SMYD3: variants seen among roughly 807,000 people sequenced by gnomAD.
The protein encoded by SMYD3 is SET and MYND domain containing 3, also known as histone-lysine N-methyltransferase SMYD3.
SMYD3 carries 36 observed loss-of-function variants against 57.7 expected under a neutral mutation model. That is an observed-to-expected ratio of 0.62 (90% confidence interval 0.48 to 0.82). The LOEUF (loss-of-function observed/expected upper bound fraction) is 0.82, where lower values mean the gene tolerates loss of function less well. SMYD3 is among the 40% of genes least tolerant of loss of function. The probability of loss-of-function intolerance (pLI) is 0.00; values close to 1 mark genes in which losing one functional copy is unlikely to be tolerated. For synonymous variants in SMYD3, 211 were observed against 195.0 expected (o/e 1.08, Z -0.68); for missense variants, 515 against 538.8 (o/e 0.96, Z 0.44).
intron 8 of SMYD3, among the ~76,000 whole-genome samples, chr1:245,896,395 A>AAAAG (rs756647793): frequency 4.0e-5 from 6 of 150,994 alleles, no homozygotes; most frequent in Non-Finnish European, 7.4e-5. Flanking sequence ...AAGTCAAAAA[A>AAAAG]AAAAAAAAAA....
chr1:246,432,220 AAC>A (rs2067308015), intron 1 of SMYD3, among the ~76,000 whole-genome samples: 1 of 152,248 alleles, frequency 6.6e-6, no homozygotes, highest in African/African-American at 2.4e-5. Flanking sequence ...TAAAAAGACA[AAC>A]ACAATTTCTA....
intron 5 of SMYD3, among the ~76,000 whole-genome samples, chr1:246,150,489 A>C (rs2061924258): frequency 6.6e-6 from 1 of 152,244 alleles, no homozygotes; most frequent in African/African-American, 2.4e-5. Flanking sequence ...GCCTAGTATT[A>C]CAAAGGTATG....
chr1:245,769,245 G>C (rs572659282), intron 10 of SMYD3, among the ~76,000 whole-genome samples: 1 of 152,316 alleles, frequency 6.6e-6, no homozygotes, highest in South Asian at 2.1e-4. Context: ...TAAATCCACT[G>C]ATCAATCTTA....
At chr1:245,893,380 G>T (rs1193551485) in intron 8 of SMYD3, among the ~76,000 whole-genome samples, 1 of 152,120 alleles carries the variant, frequency 6.6e-6, no homozygotes, top group Admixed American at 6.6e-5. Context: ...CAAATAAAAT[G>T]AAAACTTATA....
chr1:245,835,686 A>G (rs1228291622), intron 10 of SMYD3, among the ~76,000 whole-genome samples: 2 of 152,114 alleles, frequency 1.3e-5, no homozygotes. Context: ...CAGTTTTAGG[A>G]AGGCCTCAAG....
intron 8 of SMYD3, among the ~76,000 whole-genome samples, chr1:245,869,804 C>T (rs1000616092): frequency 6.6e-6 from 1 of 152,188 alleles, no homozygotes; most frequent in Non-Finnish European, 1.5e-5. Flanking sequence ...CAGGACTCAG[C>T]GTGTTTTCTG....
At chr1:246,172,984 T>C (rs1385547476) in intron 5 of SMYD3, among the ~76,000 whole-genome samples, 1 of 150,920 alleles carries the variant, frequency 6.6e-6, no homozygotes, top group Admixed American at 6.6e-5. Context: ...TTATCAACAC[T>C]GTACGCTTAG....
At chr1:245,931,615 A>G (rs2056723802) in intron 5 of SMYD3, among the ~76,000 whole-genome samples, 1 of 152,216 alleles carries the variant, frequency 6.6e-6, no homozygotes, top group Non-Finnish European at 1.5e-5. Context: ...AGGATGAAAC[A>G]TGACAAAGGC....
Position 246,406,803 on chromosome 1 carries a change from A to G in SMYD3, c.165-51709T>C, listed in dbSNP as rs1259029424. On this transcript the variant is annotated intron_variant, in intron 1 of 11. Coordinates refer to ENST00000490107, the MANE Select transcript of SMYD3 (RefSeq NM_001167740.2). Reference sequence around the variant, plus strand: ...AGTATGGATGAAGAATCTCTGCTCCATCACAGCCATCGTGCAAAATTGCTT... The same window carrying G: ...AGTATGGATGAAGAATCTCTGCTCCGTCACAGCCATCGTGCAAAATTGCTT... 2.6e-5 allele frequency among the ~76,000 whole-genome samples: 4 copies of G among 152,340 alleles called. No individual in the cohort carries two copies. In the East Asian group the frequency reaches 7.7e-4, roughly 29 times the overall value.
intron 5 of SMYD3, among the ~76,000 whole-genome samples, chr1:246,020,196 A>C (rs189722343): frequency 6.6e-6 from 1 of 152,344 alleles, no homozygotes; most frequent in East Asian, 1.9e-4. Flanking sequence ...TGACTGCAAT[A>C]AGACTTATCT....
chr1:246,295,215 C>T (rs764056189), intron 5 of SMYD3, among the ~76,000 whole-genome samples: 6 of 152,014 alleles, frequency 3.9e-5, no homozygotes, highest in African/African-American at 7.2e-5. Context: ...TAGGTGGTAA[C>T]GTTCTTTAGT....
intron 7 of SMYD3, among the ~76,000 whole-genome samples, chr1:245,923,739 T>TA (rs1299914046): frequency 6.6e-6 from 1 of 152,208 alleles, no homozygotes; most frequent in Non-Finnish European, 1.5e-5. Context: ...TGAGCTGCTG[T>TA]AAGCCTGTGC....
chr1:245,899,104 A>G (rs1282399151), intron 8 of SMYD3, among the ~76,000 whole-genome samples: 4 of 152,264 alleles, frequency 2.6e-5, no homozygotes, highest in Admixed American at 6.5e-5. Context: ...CTTGATGCAG[A>G]AAACTGGTGA....
At chr1:246,305,029 T>C (rs2064956304) in intron 5 of SMYD3, among the ~76,000 whole-genome samples, 1 of 152,190 alleles carries the variant, frequency 6.6e-6, no homozygotes, top group African/African-American at 2.4e-5. Context: ...AGATAGAAGC[T>C]AAATTCTCAT....
intron 5 of SMYD3, among the ~76,000 whole-genome samples, chr1:245,992,560 G>A (rs112344562): frequency 2.7e-5 from 4 of 148,472 alleles, no homozygotes; most frequent in African/African-American, 9.9e-5. Flanking sequence ...GGCCTGGAGT[G>A]GTCATGGATC....
At chr1:246,212,172 C>T (rs1171083163) in intron 5 of SMYD3, among the ~76,000 whole-genome samples, 2 of 151,934 alleles carry the variant, frequency 1.3e-5, no homozygotes. Context: ...AGATAGTTAG[C>T]AATATGCAAC....
intron 10 of SMYD3, among the ~76,000 whole-genome samples, chr1:245,842,654 T>C (rs896148505): frequency 7.2e-5 from 11 of 152,326 alleles, no homozygotes; most frequent in African/African-American, 2.2e-4. Flanking sequence ...CGGCAGACTA[T>C]ATATTCTATT....
At chr1:246,443,588 G>A (rs1241142023) in intron 1 of SMYD3, among the ~76,000 whole-genome samples, 1 of 152,198 alleles carries the variant, frequency 6.6e-6, no homozygotes, top group Non-Finnish European at 1.5e-5. Context: ...CCAGTCTGGG[G>A]CAAGGGAGGG....
chr1:246,461,687 T>C (rs1227829686), intron 1 of SMYD3, among the ~76,000 whole-genome samples: 1 of 149,842 alleles, frequency 6.7e-6, no homozygotes, highest in Non-Finnish European at 1.5e-5. Flanking sequence ...TGAGCCAAGA[T>C]TGCGCCACTG....
Sources: gnomAD v4.1 joint callset for allele counts (sites outside exome capture counted in the v4.1 genomes callset) on GRCh38, gnomAD v4.1.1 for gene constraint, MANE v1.5 for transcripts, NCBI Gene and HGNC (gene_info 2026-07-23, HGNC 2026-07-21) for gene names.